RAB4A: variants seen among roughly 807,000 people sequenced by gnomAD.
The protein encoded by RAB4A is ras-related protein Rab-4A.
A neutral mutation model predicts 34.5 loss-of-function variants in RAB4A; 20 were observed. That is an observed-to-expected ratio of 0.58 (90% CI 0.41 to 0.84). The LOEUF is 0.84. RAB4A is among the 40% of genes least tolerant of loss of function. RAB4A has a pLI of 0.00. For missense variants in RAB4A, 228 were observed against 274.5 expected (o/e 0.83, Z 1.20); for synonymous variants, 102 against 100.0 (o/e 1.02, Z -0.12).
At chr1:229,282,299 C>T (rs1246095566) in intron 1 of RAB4A, among the ~76,000 whole-genome samples, 1 of 152,136 alleles carries the variant, frequency 6.6e-6, no homozygotes, top group Non-Finnish European at 1.5e-5. Context: ...GAGAAATCTG[C>T]TGTTATTCGA....
intron 6 of RAB4A, 62 bp downstream of exon 6, chr1:229,299,134 C>G (rs754386006): frequency 5.7e-5 from 66 of 1,152,606 alleles, no homozygotes; most frequent in Non-Finnish European, 7.4e-5. Flanking sequence ...CTCAGTAGAT[C>G]ACCTTTTAAT....
chr1:229,293,492 G>A (rs890822319), intron 3 of RAB4A, among the ~76,000 whole-genome samples: 1 of 152,180 alleles, frequency 6.6e-6, no homozygotes, highest in Admixed American at 6.5e-5. Flanking sequence ...AATCACAGGG[G>A]TTTGGGCCTC....
Position 229,281,963 on chromosome 1 carries a change from A to T in RAB4A, c.32-4523A>T, listed in dbSNP as rs1467775634. 2.6e-5 allele frequency among the ~76,000 whole-genome samples: 4 copies of T among 152,002 alleles called. No homozygotes were observed. The East Asian group carries it at 7.7e-4, about 29-fold the overall frequency. On this transcript the variant is annotated intron_variant, in intron 1 of 7. Transcript: ENST00000366690. ...TATTTTTCTTAAACAGTTAAACATA[A>T]TGAAGAAAACTCAAGATAAGAAGGA...
intron 1 of RAB4A, among the ~76,000 whole-genome samples, chr1:229,281,556 T>C (rs944050821): frequency 6.6e-6 from 1 of 152,082 alleles, no homozygotes; most frequent in Non-Finnish European, 1.5e-5. Flanking sequence ...GGTGTATGAT[T>C]AGGTCATGCT....
At position 229,271,290 on chromosome 1, in the gene RAB4A, C is replaced by G; in HGVS notation, c.-50C>G. The G allele has an allele frequency of 7.5e-7, 1 of 1,329,546 alleles. No individual in the cohort carries two copies. Among genetic ancestry groups the G allele is most frequent in the Non-Finnish European group, 9.6e-7 (1 of 1,038,578 alleles). 82.4% of individuals were successfully genotyped at this position (1,329,546 alleles called of 1,614,324 possible). A position where few individuals can be genotyped will look rare whatever the true frequency, so the allele number is the denominator to read the frequency against. ...TCCCCACCGAGACGCGCCGGCGGACCGCGGGCGAGTGCAGCCGGTGACCCG... is the reference window on the plus strand; with the variant it reads ...TCCCCACCGAGACGCGCCGGCGGACGGCGGGCGAGTGCAGCCGGTGACCCG... On this transcript the variant is annotated 5_prime_UTR_variant, in exon 1 of 8. Transcript: ENST00000366690.
In RAB4A at chr1:229,305,272, G is replaced by GA. The variant is rs755493031; in HGVS notation, c.*1481dup. ...AACTACTTCTTAGACCTCACTGTAA[G>GA]AATATTTTATTCAATGTCTCATTTA... On this transcript the variant is annotated 3_prime_UTR_variant, in exon 8 of 8. Coordinates refer to ENST00000366690, the MANE Select transcript of RAB4A (RefSeq NM_004578.4). 1 of 1,595,306 alleles carries GA rather than the reference G, an allele frequency of 6.3e-7. No individual in the cohort carries two copies. The highest frequency in any genetic ancestry group is 8.5e-7 in the Non-Finnish European group (1 of 1,174,358).
chr1:229,301,144 G>A (rs1344357655), intron 6 of RAB4A, among the ~76,000 whole-genome samples: 1 of 152,142 alleles, frequency 6.6e-6, no homozygotes, highest in African/African-American at 2.4e-5. Flanking sequence ...CTGGCCGTCC[G>A]TTAGGAAGAA....
At chr1:229,290,627 A>C (rs1657041577) in intron 3 of RAB4A, among the ~76,000 whole-genome samples, 1 of 152,216 alleles carries the variant, frequency 6.6e-6, no homozygotes, top group African/African-American at 2.4e-5. Context: ...CTATAGCAAA[A>C]GAGAGAGCTC....
Position 229,286,384 on chromosome 1 carries a change from G to A in RAB4A, c.32-102G>A, listed in dbSNP as rs753401811. 32 of 690,068 alleles carry A rather than the reference G, an allele frequency of 4.6e-5. No homozygotes were observed. The Middle Eastern group carries it at 6.3e-3, about 136-fold the overall frequency. 42.7% of individuals were successfully genotyped at this position (690,068 alleles called of 1,614,324 possible). A position where few individuals can be genotyped will look rare whatever the true frequency, so the allele number is the denominator to read the frequency against. On this transcript the variant is annotated intron_variant, in intron 1 of 7. Coordinates refer to ENST00000366690, the MANE Select transcript of RAB4A (RefSeq NM_004578.4). ...AGATACTCAGTTACCTCTTTTTCCT[G>A]TTATATTAACAACTAAGATACTAAA... is the stretch of plus-strand genomic sequence containing the variant.
In RAB4A at chr1:229,271,201, G is replaced by A. The variant is rs1656453977; in HGVS notation, c.-139G>A. ...TCCGGCTGGGCCGCAGCCGCTGGGA[G>A]ACCGGCGGTTGCCGTGGGGACCGGT... On this transcript the variant is annotated 5_prime_UTR_variant, in exon 1 of 8. Coordinates refer to ENST00000366690, the MANE Select transcript of RAB4A (RefSeq NM_004578.4). 3 of 843,592 alleles carry A rather than the reference G, an allele frequency of 3.6e-6. No individual in the cohort carries two copies. Among genetic ancestry groups the A allele is most frequent in the Non-Finnish European group, 4.7e-6 (3 of 637,414 alleles). The allele number at this position is 843,592 out of a possible 1,614,324, so 52.3% of individuals were successfully genotyped here.
chr1:229,298,260 A>G (rs1455243630), intron 5 of RAB4A, among the ~76,000 whole-genome samples: 1 of 152,350 alleles, frequency 6.6e-6, no homozygotes, highest in Non-Finnish European at 1.5e-5. Flanking sequence ...TCCAAATTAT[A>G]TTGTAACTTG....
chr1:229,271,830 A>G (rs1333751075), intron 1 of RAB4A, among the ~76,000 whole-genome samples: 2 of 152,134 alleles, frequency 1.3e-5, no homozygotes, highest in African/African-American at 4.8e-5. Context: ...CTTGCTTTAC[A>G]TTGGGATTAC....
chr1:229,300,899 A>G (rs1006724649), intron 6 of RAB4A, among the ~76,000 whole-genome samples: 4 of 152,230 alleles, frequency 2.6e-5, no homozygotes, highest in African/African-American at 7.2e-5. Flanking sequence ...TCTACAAAAA[A>G]GATGAAAAAG....
Position 229,271,227 on chromosome 1 carries a change from CG to C in RAB4A, c.-110del. ...ACCGGCGGTTGCCGTGGGGACCGGT[CG>C]GGCCCCTCCCTCCTCCGGTCCCCCG... On this transcript the variant is annotated 5_prime_UTR_variant, in exon 1 of 8. Coordinates refer to ENST00000366690, the MANE Select transcript of RAB4A (RefSeq NM_004578.4). 1 of 1,097,666 alleles carries C rather than the reference CG, an allele frequency of 9.1e-7. No homozygotes were observed. 68.0% of individuals were successfully genotyped at this position (1,097,666 alleles called of 1,614,324 possible). A position where few individuals can be genotyped will look rare whatever the true frequency, so the allele number is the denominator to read the frequency against.
At position 229,297,482 on chromosome 1, in the gene RAB4A, C is replaced by A; in HGVS notation, c.291C>A (p.Ser97Arg). 1.3e-6 allele frequency: 2 copies of A among 1,588,328 alleles called. No individual in the cohort carries two copies. Among genetic ancestry groups the A allele is most frequent in the Non-Finnish European group, 1.7e-6 (2 of 1,172,460 alleles). ...ATTTTCACAATCTTATATTACGCAG[C>A]CGAGAAACCTACAATGCGCTTACTA... ...AGALLVYDIT[S>R]RETYNALTNW... Residue 97 changes from serine (S) to arginine (R), a missense_variant and splice_region_variant, in exon 5 of 8, where the codon AGC (serine) becomes AGA (arginine). Ser to Arg is a moderately radical substitution (Grantham distance 110, BLOSUM62 -1). Coordinates refer to ENST00000366690, the MANE Select transcript of RAB4A (RefSeq NM_004578.4).
intron 3 of RAB4A, among the ~76,000 whole-genome samples, chr1:229,294,989 T>TTTTC (rs1657199048): frequency 6.6e-6 from 1 of 151,902 alleles, no homozygotes; most frequent in Admixed American, 6.6e-5. Flanking sequence ...TTTTTTTTTT[T>TTTTC]TTTCTTTCTG....
chr1:229,279,909 G>A (rs779237351), intron 1 of RAB4A, among the ~76,000 whole-genome samples: 3 of 152,136 alleles, frequency 2.0e-5, no homozygotes, highest in Non-Finnish European at 2.9e-5. Context: ...AATAAACACC[G>A]AATCTAATTT....
intron 1 of RAB4A, among the ~76,000 whole-genome samples, chr1:229,272,657 A>G (rs1656523979): frequency 6.6e-6 from 1 of 152,020 alleles, no homozygotes; most frequent in Non-Finnish European, 1.5e-5. Context: ...AGGGTAACTC[A>G]AGAAGGGTGT....
intron 6 of RAB4A, 124 bp downstream of exon 6, chr1:229,299,196 C>G: frequency 1.5e-6 from 1 of 660,474 alleles, no homozygotes; most frequent in South Asian, 2.2e-5. Context: ...ACCTGCCAAC[C>G]TAAAATCATC....
Sources: gnomAD v4.1 joint callset for allele counts (sites outside exome capture counted in the v4.1 genomes callset) on GRCh38, gnomAD v4.1.1 for gene constraint, MANE v1.5 for transcripts, NCBI Gene and HGNC (gene_info 2026-07-23, HGNC 2026-07-21) for gene names.